PDGFD: variants seen among roughly 807,000 people sequenced by gnomAD.
PDGFD encodes platelet-derived growth factor D.
Under a neutral mutation model 44.7 loss-of-function variants are expected in PDGFD, and 30 were observed. That is an observed-to-expected ratio of 0.67 (90% CI 0.50 to 0.91). The LOEUF is 0.91. Ranked by LOEUF, PDGFD falls within the 40% of genes least tolerant of loss-of-function variation. PDGFD has a pLI of 0.00. For synonymous variants in PDGFD, 173 were observed against 168.4 expected (o/e 1.03, Z -0.21); for missense variants, 445 against 457.8 (o/e 0.97, Z 0.25).
intron 1 of PDGFD, among the ~76,000 whole-genome samples, chr11:104,137,919 T>C (rs558041466): frequency 6.6e-6 from 1 of 152,110 alleles, no homozygotes; most frequent in South Asian, 2.1e-4. Flanking sequence ...TTATATGTAA[T>C]GCAGTAGCTT....
intron 3 of PDGFD, among the ~76,000 whole-genome samples, chr11:103,950,069 C>T (rs577494200): frequency 4.0e-5 from 6 of 151,890 alleles, no homozygotes; most frequent in African/African-American, 1.2e-4. Context: ...GAGAATGGAC[C>T]GCATGAGAGA....
At chr11:104,163,072 A>G (rs1417589791) in intron 1 of PDGFD, among the ~76,000 whole-genome samples, 1 of 152,168 alleles carries the variant, frequency 6.6e-6, no homozygotes. Context: ...TGCTTAGGAC[A>G]GCTGTTTCAG....
chr11:104,130,038 T>G (rs1297551352), intron 1 of PDGFD, among the ~76,000 whole-genome samples: 1 of 142,578 alleles, frequency 7.0e-6, no homozygotes, highest in Non-Finnish European at 1.5e-5. Flanking sequence ...AAGAAATAGG[T>G]AAACCACTCA....
rs182054599 is a variant in PDGFD, at chr11:104,011,589, T to C, written c.125-11334A>G. Among the ~76,000 whole-genome samples, 3 of 152,242 alleles carry C rather than the reference T, an allele frequency of 2.0e-5. No individual in the cohort carries two copies. In the East Asian group the frequency reaches 5.8e-4, roughly 29 times the overall value. On this transcript the variant is annotated intron_variant, in intron 1 of 6. Transcript: ENST00000393158. ...GGAGCAAGTTGGGACAGAGTTTTCA[T>C]AGATTTTGTAAGCATAAATTTAGTC...
intron 3 of PDGFD, among the ~76,000 whole-genome samples, chr11:103,989,482 C>A (rs1383240753): frequency 1.3e-5 from 2 of 152,182 alleles, no homozygotes; most frequent in Non-Finnish European, 2.9e-5. Context: ...ATCCTCCTGA[C>A]CACATCCCTG....
chr11:103,922,102 G>T (rs762885535), intron 6 of PDGFD, among the ~76,000 whole-genome samples: 2 of 151,984 alleles, frequency 1.3e-5, no homozygotes, highest in Non-Finnish European at 2.9e-5. Flanking sequence ...TCTCTTTGAT[G>T]CTTCCTATGT....
chr11:103,910,022 A>G (rs1858002898), intron 6 of PDGFD, among the ~76,000 whole-genome samples: 1 of 152,184 alleles, frequency 6.6e-6, no homozygotes, highest in African/African-American at 2.4e-5. Context: ...GGAGGAATCA[A>G]TTGATCCCAG....
intron 1 of PDGFD, among the ~76,000 whole-genome samples, chr11:104,084,803 TTATAAGTATTATAAAA>T (rs1337699474): frequency 6.8e-6 from 1 of 146,278 alleles, no homozygotes; most frequent in Non-Finnish European, 1.5e-5. Context: ...AATATATATT[TTATAAGTATTATAAAA>T]TATAAATATA....
At chr11:104,054,581 C>G (rs1860593564) in intron 1 of PDGFD, among the ~76,000 whole-genome samples, 1 of 152,062 alleles carries the variant, frequency 6.6e-6, no homozygotes, top group Non-Finnish European at 1.5e-5. Flanking sequence ...GTCGGCAAAG[C>G]CTTTGGAAAG....
intron 1 of PDGFD, among the ~76,000 whole-genome samples, chr11:104,108,953 A>G (rs914564729): frequency 6.6e-6 from 1 of 152,006 alleles, no homozygotes; most frequent in African/African-American, 2.4e-5. Flanking sequence ...TTGCAAGAAC[A>G]AAAAAGCAAA....
chr11:104,129,017 G>T (rs146786271), intron 1 of PDGFD, among the ~76,000 whole-genome samples: 287 of 152,176 alleles, frequency 1.9e-3, no homozygotes, highest in African/African-American at 6.5e-3. Context: ...GTGACCACCG[G>T]CCTTATAGTA....
At chr11:103,923,197 CTCTATA>C (rs905166851) in intron 6 of PDGFD, among the ~76,000 whole-genome samples, 27 of 152,144 alleles carry the variant, frequency 1.8e-4, no homozygotes, top group African/African-American at 6.3e-4. Context: ...ATTTTTCCTA[CTCTATA>C]TCTAGTATAT....
chr11:103,972,915 G>A (rs1214437638), intron 3 of PDGFD, among the ~76,000 whole-genome samples: 1 of 152,136 alleles, frequency 6.6e-6, no homozygotes, highest in Non-Finnish European at 1.5e-5. Context: ...AAACTTCTCA[G>A]AAAGTCCAGT....
At chr11:104,118,936 ATATAT>A (rs1175506301) in intron 1 of PDGFD, among the ~76,000 whole-genome samples, 2 of 102,860 alleles carry the variant, frequency 1.9e-5, no homozygotes, top group African/African-American at 8.1e-5. Flanking sequence ...TTATTATAAT[ATATAT>A]TATAATAATA....
At chr11:104,109,232 G>A (rs2134451538) in intron 1 of PDGFD, among the ~76,000 whole-genome samples, 1 of 152,120 alleles carries the variant, frequency 6.6e-6, no homozygotes, top group South Asian at 2.1e-4. Flanking sequence ...CTAACATCAT[G>A]TAGTACAAAG....
At chr11:104,119,951 GTTA>G (rs1460973279) in intron 1 of PDGFD, among the ~76,000 whole-genome samples, 160 of 127,780 alleles carry the variant, frequency 1.3e-3, no homozygotes, top group African/African-American at 3.8e-3. Flanking sequence ...TAATATATAA[GTTA>G]TTATATATTT....
intron 1 of PDGFD, among the ~76,000 whole-genome samples, chr11:104,084,783 A>C (rs1389938598): frequency 1.4e-5 from 2 of 146,456 alleles, no homozygotes; most frequent in Admixed American, 1.4e-4. Context: ...TTATACATAA[A>C]ATAATATAAA....
At chr11:104,115,664 A>C (rs540671545) in intron 1 of PDGFD, among the ~76,000 whole-genome samples, 14 of 149,120 alleles carry the variant, frequency 9.4e-5, no homozygotes, top group African/African-American at 3.5e-4. Context: ...GCAGTGTAGA[A>C]GTGTTCCCTG....
intron 1 of PDGFD, chr11:104,037,612 CA>C: frequency 6.2e-7 from 1 of 1,614,124 alleles, no homozygotes; most frequent in Non-Finnish European, 8.5e-7. Context: ...CTCGGGCGCC[CA>C]GATGACCATT....
Sources: allele counts gnomAD v4.1 joint callset (sites outside exome capture counted in the v4.1 genomes callset), GRCh38; gene constraint gnomAD v4.1.1; transcripts MANE v1.5; gene names NCBI Gene and HGNC (gene_info 2026-07-23, HGNC 2026-07-21).